Variants in DENND4A observed in about 807,000 individuals in gnomAD.
The protein encoded by DENND4A is DENN domain containing 4A.
A neutral mutation model predicts 199.3 loss-of-function variants in DENND4A; 70 were observed. That is an observed-to-expected ratio of 0.35 (90% confidence interval 0.29 to 0.43). The LOEUF (loss-of-function observed/expected upper bound fraction) is 0.43, where lower values mean the gene tolerates loss of function less well. DENND4A is among the 20% of genes least tolerant of loss of function. The probability of loss-of-function intolerance (pLI) is 1.00; values close to 1 mark genes in which losing one functional copy is unlikely to be tolerated. For missense variants in DENND4A, 1,723 were observed against 2,255.8 expected (o/e 0.76, Z 4.78); for synonymous variants, 686 against 766.9 (o/e 0.89, Z 1.74).
intron 14 of DENND4A, among the ~76,000 whole-genome samples, chr15:65,711,582 T>C (rs958315959): frequency 1.3e-5 from 2 of 152,346 alleles, no homozygotes; most frequent in African/African-American, 4.8e-5. Context: ...TCCACAAGTC[T>C]GTTTGTAAGT....
At chr15:65,746,450 G>A in intron 4 of DENND4A, among the ~76,000 whole-genome samples, 1 of 116,702 alleles carries the variant, frequency 8.6e-6, no homozygotes, top group Admixed American at 1.2e-4. Context: ...GCAGTGGCAT[G>A]ATCTCGGCTC....
chr15:65,660,229 CCAA>C lies in DENND4A; in HGVS notation c.*1619_*1621del. The C allele has an allele frequency of 6.9e-7, 1 of 1,452,174 alleles. No homozygotes were observed. The highest frequency in any genetic ancestry group is 1.2e-5 in the South Asian group (1 of 82,300). 90.0% of individuals were successfully genotyped at this position (1,452,174 alleles called of 1,614,324 possible). ...ATTTTTCAAGTAAGCAAGTTCAGCC[CCAA>C]ACTAACTGAAGTTTTACATTTTTAA... On this transcript the variant is annotated 3_prime_UTR_variant, in exon 33 of 33. Coordinates refer to ENST00000443035, the MANE Select transcript of DENND4A (RefSeq NM_001320835.1).
intron 1 of DENND4A, among the ~76,000 whole-genome samples, chr15:65,784,449 T>C (rs1008902176): frequency 5.5e-5 from 8 of 144,210 alleles, no homozygotes; most frequent in African/African-American, 1.9e-4. Context: ...GAGACCCCCA[T>C]TTCTTACAAA....
intron 23 of DENND4A, among the ~76,000 whole-genome samples, chr15:65,678,088 C>T (rs375789048): frequency 4.6e-5 from 7 of 151,740 alleles, no homozygotes; most frequent in Non-Finnish European, 8.8e-5. Context: ...CCACCATGCC[C>T]GGCTAATTTT....
chr15:65,702,862 T>G lies in DENND4A; in HGVS notation c.2223+11A>C. 6.2e-7 allele frequency: 1 copy of G among 1,600,838 alleles called. No individual in the cohort carries two copies. ...CTAAAATTTGATTACATGAAGAATG[T>G]GATAAAGTACCTGTTTTGTTCTTCT... On this transcript the variant is annotated intron_variant, in intron 16 of 32. Coordinates refer to ENST00000443035, the MANE Select transcript of DENND4A (RefSeq NM_001320835.1).
chr15:65,752,501 C>A lies in DENND4A; in HGVS notation c.439G>T (p.Ala147Ser), dbSNP rs2076594283. 6.2e-7 allele frequency: 1 copy of A among 1,613,588 alleles called. No individual in the cohort carries two copies. The highest frequency in any genetic ancestry group is 8.5e-7 in the Non-Finnish European group (1 of 1,179,774). Residue 147 changes from alanine to serine, a missense_variant, in exon 4 of 33, where the codon GCC (alanine) becomes TCC (serine). Ala to Ser is a moderately conservative substitution (Grantham distance 99, BLOSUM62 1). This residue lies in a region of DENND4A where 725 missense variants were observed against 952.9 expected (regional missense o/e 0.76). Transcript: ENST00000443035. ...GTATTCTGAGTCATGTTTTCAGAGG[C>A]TCTTCGGTAAGTGATATAAATTCTT... ...SQRIYITYRR[A>S]SENMTQNTLA...
In DENND4A at chr15:65,718,016, T is replaced by TA; in HGVS notation, c.1589-21dup. On this transcript the variant is annotated intron_variant, in intron 12 of 32. Transcript: ENST00000443035. Reference sequence around the variant, plus strand: ...GCTGCACTGTGAAGACATACAGTGTTAGTGTTTTCTCCAAACTCACAAAAC... The same window carrying TA: ...GCTGCACTGTGAAGACATACAGTGTTAAGTGTTTTCTCCAAACTCACAAAAC... The TA allele has an allele frequency of 1.3e-6, 2 of 1,523,580 alleles. No homozygotes were observed. Among genetic ancestry groups the TA allele is most frequent in the Non-Finnish European group, 1.8e-6 (2 of 1,124,116 alleles). The allele number at this position is 1,523,580 out of a possible 1,614,324, so 94.4% of individuals were successfully genotyped here. A position where few individuals can be genotyped will look rare whatever the true frequency, so the allele number is the denominator to read the frequency against.
Position 65,729,216 on chromosome 15 carries a change from T to C in DENND4A, c.1343A>G (p.Tyr448Cys), listed in dbSNP as rs1435930979. 6.3e-7 allele frequency: 1 copy of C among 1,584,832 alleles called. No homozygotes were observed. The highest frequency in any genetic ancestry group is 8.6e-7 in the Non-Finnish European group (1 of 1,164,636). The change falls in exon 11 of 33, where the codon TAT becomes TGT. Residue 448 changes from tyrosine (Y) to cysteine (C), a missense_variant. By Grantham distance (194) the Tyr-to-Cys change is radical (BLOSUM62 -2). This residue lies in a region of DENND4A where 725 missense variants were observed against 952.9 expected (regional missense o/e 0.76). Transcript: ENST00000443035. The part of the protein sequence containing the change: ...MIFPFHWPCP[Y>C]VPLCPLALAD... Reference sequence around the variant, plus strand: ...TAAAGCCAGTGGGCAGAGAGGAACATACGGGCATGGCCAGTGGAAAGGGAA... The same window carrying C: ...TAAAGCCAGTGGGCAGAGAGGAACACACGGGCATGGCCAGTGGAAAGGGAA...
At chr15:65,756,614 T>C (rs1342043648) in intron 2 of DENND4A, 142 bp from the exon 3 acceptor site, 5 of 516,684 alleles carry the variant, frequency 9.7e-6, no homozygotes, top group Non-Finnish European at 1.6e-5. Context: ...TTAACTTACA[T>C]GTAAAAAGAA....
intron 1 of DENND4A, among the ~76,000 whole-genome samples, chr15:65,767,719 T>C (rs908618572): frequency 1.3e-5 from 2 of 152,150 alleles, no homozygotes; most frequent in Non-Finnish European, 2.9e-5. Context: ...TTAAATTTAG[T>C]GTTGAATGAA....
intron 1 of DENND4A, among the ~76,000 whole-genome samples, chr15:65,769,993 A>C (rs2077090156): frequency 6.6e-6 from 1 of 152,010 alleles, no homozygotes; most frequent in East Asian, 1.9e-4. Context: ...CAAGGAGCTT[A>C]TTCCTATAGG....
At chr15:65,790,625 G>C (rs929226389) in intron 1 of DENND4A, among the ~76,000 whole-genome samples, 3 of 152,096 alleles carry the variant, frequency 2.0e-5, no homozygotes, top group Admixed American at 2.0e-4. Flanking sequence ...GGTTCAAAGG[G>C]AAATCGTGAA....
chr15:65,687,197 C>A (rs1596439182), intron 23 of DENND4A, among the ~76,000 whole-genome samples: 1 of 152,068 alleles, frequency 6.6e-6, no homozygotes, highest in Non-Finnish European at 1.5e-5. Flanking sequence ...CCAGGGATTA[C>A]AATATACATA....
rs1237993418 is a variant in DENND4A, at chr15:65,792,014, C to T, written c.-106G>A. 1.3e-5 allele frequency: 2 copies of T among 152,326 alleles called. No homozygotes were observed. Among genetic ancestry groups the T allele is most frequent in the African/African-American group, 4.8e-5 (2 of 41,466 alleles). 9.4% of individuals were successfully genotyped at this position (152,326 alleles called of 1,614,324 possible). A position where few individuals can be genotyped will look rare whatever the true frequency, so the allele number is the denominator to read the frequency against. ...GGTCGCCGCCCCCGCACTCACCACC[C>T]AGCTGGCTCCCGTGCGAGCAGCGGA... On this transcript the variant is annotated 5_prime_UTR_variant, in exon 1 of 33. Transcript: ENST00000443035.
rs1196688880 is a variant in DENND4A at position 65,669,914 on chromosome 15, T to C, written c.4652A>G (p.Lys1551Arg). 3 of 1,613,890 alleles carry C rather than the reference T, an allele frequency of 1.9e-6. No individual in the cohort carries two copies. Among genetic ancestry groups the C allele is most frequent in the Non-Finnish European group, 2.5e-6 (3 of 1,179,816 alleles). Residue 1551 changes from lysine to arginine, a missense_variant, in exon 27 of 33, where the codon AAG becomes AGG. Transcript: ENST00000443035. The part of the protein sequence containing the change: ...DLRRPGRYFL[K>R]SSPSTENMHF... ...CATATTTTCTGTTGATGGGCTTGACTTTAGAAAGTATCTGTAATGTGAATC... is the reference window on the plus strand; with the variant it reads ...CATATTTTCTGTTGATGGGCTTGACCTTAGAAAGTATCTGTAATGTGAATC...
At chr15:65,701,287 C>G (rs780823272) in intron 18 of DENND4A, 95 bp from the exon 19 acceptor site, 9 of 1,101,434 alleles carry the variant, frequency 8.2e-6, no homozygotes, top group Admixed American at 3.4e-5. Context: ...TCAAAGTAGG[C>G]CAGGAGTGGT....
At chr15:65,727,532 C>T (rs1176695958) in intron 11 of DENND4A, among the ~76,000 whole-genome samples, 3 of 151,232 alleles carry the variant, frequency 2.0e-5, no homozygotes, top group Non-Finnish European at 4.4e-5. Flanking sequence ...GAGGCTGAGG[C>T]AGGAGGATTG....
rs976732115 is a variant in DENND4A at position 65,738,900 on chromosome 15, G to A, written c.632-25C>T. The A allele has an allele frequency of 2.7e-6, 4 of 1,476,896 alleles. No homozygotes were observed. The African/African-American group carries it at 5.7e-5, about 21-fold the overall frequency. The allele number at this position is 1,476,896 out of a possible 1,614,324, so 91.5% of individuals were successfully genotyped here. On this transcript the variant is annotated intron_variant, in intron 5 of 32. Coordinates refer to ENST00000443035, the MANE Select transcript of DENND4A (RefSeq NM_001320835.1). The stretch of plus-strand genomic sequence containing the variant: ...CCTATAAAAACAACAATAAATATTA[G>A]GTCATCATCTCTTGAATTTAGGTAC...
chr15:65,759,795 T>G (rs946218579), intron 2 of DENND4A, among the ~76,000 whole-genome samples: 1 of 152,228 alleles, frequency 6.6e-6, no homozygotes, highest in African/African-American at 2.4e-5. Context: ...AAAGGACTTT[T>G]GTGTTTAACT....
Sources: allele counts gnomAD v4.1 joint callset (sites outside exome capture counted in the v4.1 genomes callset), GRCh38; gene constraint gnomAD v4.1.1; regional missense constraint gnomAD v4.1.1; transcripts MANE v1.5; gene names NCBI Gene and HGNC (gene_info 2026-07-23, HGNC 2026-07-21).